The following CPE variants were observed in gnomAD, a reference collection of about 807,000 sequenced individuals.
CPE encodes carbocypeptidase E.
CPE carries 17 observed loss-of-function variants against 53.5 expected under a neutral mutation model. The ratio of observed to expected loss-of-function variants is 0.32; its 90% CI spans 0.22 to 0.48. The LOEUF is 0.48. CPE is among the 20% of genes least tolerant of loss of function. The pLI is 0.99. For missense variants in CPE, 524 were observed against 614.7 expected, an observed-to-expected ratio of 0.85 and a Z score of 1.56; for synonymous variants, 226 against 228.8, an observed-to-expected ratio of 0.99 and a Z score of 0.11.
intron 1 of CPE, among the ~76,000 whole-genome samples, chr4:165,403,237 A>G (rs11732895): frequency 0.024 from 3,594 of 152,322 alleles, 112 homozygotes; most frequent in African/African-American, 0.068. Context: ...TGATGTGTGT[A>G]TCATAAAGGA....
intron 1 of CPE, among the ~76,000 whole-genome samples, chr4:165,397,864 G>C (rs927127348): frequency 1.3e-5 from 2 of 150,664 alleles, no homozygotes; most frequent in African/African-American, 4.9e-5. Context: ...GACATAGCAA[G>C]ACCGTGTCTC....
intron 1 of CPE, among the ~76,000 whole-genome samples, chr4:165,381,000 G>A (rs894763172): frequency 6.6e-6 from 1 of 152,194 alleles, no homozygotes; most frequent in Non-Finnish European, 1.5e-5. Flanking sequence ...CCTAGGCACA[G>A]TTAAAGCTAA....
At chr4:165,407,847 C>T (rs1054948574) in intron 1 of CPE, among the ~76,000 whole-genome samples, 22 of 150,228 alleles carry the variant, frequency 1.5e-4, no homozygotes, top group Non-Finnish European at 2.2e-4. Flanking sequence ...TGAGCCACCG[C>T]GCCCGACCCA....
chr4:165,454,298 G>A (rs564978863), intron 1 of CPE, among the ~76,000 whole-genome samples: 25 of 152,156 alleles, frequency 1.6e-4, no homozygotes, highest in African/African-American at 5.5e-4. Context: ...ATTCTACTGC[G>A]TGGCCTACTC....
intron 3 of CPE, among the ~76,000 whole-genome samples, chr4:165,481,105 A>G (rs1175013336): frequency 1.3e-5 from 2 of 150,534 alleles, no homozygotes; most frequent in Non-Finnish European, 2.9e-5. Context: ...ACACTTTTCC[A>G]CAGTTAACAG....
chr4:165,386,824 A>G (rs1435615011), intron 1 of CPE, among the ~76,000 whole-genome samples: 1 of 152,232 alleles, frequency 6.6e-6, no homozygotes, highest in Non-Finnish European at 1.5e-5. Flanking sequence ...CTGAGTGTTG[A>G]AAACTAAGAA....
Position 165,495,668 on chromosome 4 carries a change from T to C in CPE, c.1323T>C (p.Pro441=), listed in dbSNP as rs1732695382. The part of the protein sequence containing the change: ...ITKKVAVPYS[P]AAGVDFELES... ...AGAAAGTGGCAGTTCCTTACAGCCCTGCTGCTGGGGTAAGTAATCATAATA... is the reference window on the plus strand; with the variant it reads ...AGAAAGTGGCAGTTCCTTACAGCCCCGCTGCTGGGGTAAGTAATCATAATA... The change falls in exon 8 of 9, where the codon CCT becomes CCC. Residue 441 remains proline, a synonymous_variant. Coordinates refer to ENST00000402744, the MANE Select transcript of CPE (RefSeq NM_001873.4). The C allele has an allele frequency of 6.2e-7, 1 of 1,602,862 alleles. No homozygotes were observed. The highest frequency in any genetic ancestry group is 1.3e-5 in the African/African-American group (1 of 74,736).
intron 1 of CPE, among the ~76,000 whole-genome samples, chr4:165,462,305 G>A (rs1234693583): frequency 6.6e-6 from 1 of 152,170 alleles, no homozygotes; most frequent in East Asian, 1.9e-4. Context: ...GTGGCTTAGT[G>A]ACTATGGGTT....
Position 165,440,468 on chromosome 4 carries a change from A to C in CPE, c.308-23922A>C, listed in dbSNP as rs73860752. Among the ~76,000 whole-genome samples, 437 of 107,668 alleles carry C rather than the reference A, an allele frequency of 4.1e-3. 14 individuals are homozygous for C. The highest frequency in any genetic ancestry group is 0.011 in the African/African-American group (227 of 20,802). 70.6% of individuals were successfully genotyped at this position (107,668 alleles called of 152,430 possible). A position where few individuals can be genotyped will look rare whatever the true frequency, so the allele number is the denominator to read the frequency against. ...CTCACAACCCCACCCCCCCCCACACACACAAGCTGTGGTTTCTGGAACAGT... is the reference window on the plus strand; with the variant it reads ...CTCACAACCCCACCCCCCCCCACACCCACAAGCTGTGGTTTCTGGAACAGT... On this transcript the variant is annotated intron_variant, in intron 1 of 8. Transcript: ENST00000402744.
At chr4:165,388,474 A>G (rs577487209) in intron 1 of CPE, among the ~76,000 whole-genome samples, 16 of 152,342 alleles carry the variant, frequency 1.1e-4, no homozygotes, top group African/African-American at 3.6e-4. Context: ...TACTATGTCC[A>G]TGCCATTTTA....
chr4:165,430,547 C>T (rs1219199599), intron 1 of CPE, among the ~76,000 whole-genome samples: 3 of 152,076 alleles, frequency 2.0e-5, no homozygotes, highest in Admixed American at 2.0e-4. Context: ...ATAATAAGGA[C>T]TTTCAAAAAT....
chr4:165,449,370 G>A (rs1731771096), intron 1 of CPE, among the ~76,000 whole-genome samples: 1 of 152,180 alleles, frequency 6.6e-6, no homozygotes, highest in Admixed American at 6.5e-5. Flanking sequence ...ATTATAATTT[G>A]CTTTCTTGAA....
chr4:165,399,411 C>T (rs1730831596), intron 1 of CPE, among the ~76,000 whole-genome samples: 1 of 152,222 alleles, frequency 6.6e-6, no homozygotes, highest in East Asian at 1.9e-4. Context: ...GTCACCCAGG[C>T]TGGAGTGCAG....
At chr4:165,380,751 C>T (rs1730494705) in intron 1 of CPE, among the ~76,000 whole-genome samples, 1 of 152,070 alleles carries the variant, frequency 6.6e-6, no homozygotes, top group African/African-American at 2.4e-5. Flanking sequence ...AATAAATCTT[C>T]AGGAAATATT....
In CPE at chr4:165,497,744, T is replaced by A. The variant is rs1473765668; in HGVS notation, c.*134T>A. On this transcript the variant is annotated 3_prime_UTR_variant, in exon 9 of 9. Transcript: ENST00000402744. The stretch of plus-strand genomic sequence containing the variant: ...TAATCATTTAAATATTAATCAACTT[T>A]CCTTAAAATAAATAGCCTCTTAGGT... The A allele has an allele frequency of 7.3e-6, 3 of 408,458 alleles. No homozygotes were observed. Among genetic ancestry groups the A allele is most frequent in the Non-Finnish European group, 1.3e-5 (3 of 239,534 alleles). The allele number at this position is 408,458 out of a possible 1,614,324, so 25.3% of individuals were successfully genotyped here.
intron 1 of CPE, among the ~76,000 whole-genome samples, chr4:165,463,557 T>C (rs575047608): frequency 1.3e-5 from 2 of 152,216 alleles, no homozygotes; most frequent in East Asian, 3.9e-4. Context: ...TCAATCACTA[T>C]GATTTAGGAA....
chr4:165,417,584 C>G (rs1731146601), intron 1 of CPE, among the ~76,000 whole-genome samples: 1 of 149,818 alleles, frequency 6.7e-6, no homozygotes, highest in Admixed American at 6.6e-5. Context: ...TTAGCTTTGT[C>G]TTTTTTGATG....
At chr4:165,388,444 G>C (rs1730632818) in intron 1 of CPE, among the ~76,000 whole-genome samples, 1 of 152,128 alleles carries the variant, frequency 6.6e-6, no homozygotes, top group Non-Finnish European at 1.5e-5. Flanking sequence ...ATGTAATTTA[G>C]GGACTATTTA....
intron 1 of CPE, among the ~76,000 whole-genome samples, chr4:165,447,782 A>G (rs1023839703): frequency 2.0e-5 from 3 of 152,026 alleles, no homozygotes; most frequent in Non-Finnish European, 4.4e-5. Context: ...GCCTTTTTGT[A>G]TTTTAAAAAT....
Sources: gnomAD v4.1 joint callset for allele counts (sites outside exome capture counted in the v4.1 genomes callset) on GRCh38, gnomAD v4.1.1 for gene constraint, MANE v1.5 for transcripts, NCBI Gene and HGNC (gene_info 2026-07-23, HGNC 2026-07-21) for gene names.